Variants in ASTN2 observed in about 807,000 individuals in gnomAD.
ASTN2 encodes the protein astrotactin 2.
A neutral mutation model predicts 139.8 loss-of-function variants in ASTN2; 54 were observed. That is an observed-to-expected ratio of 0.39 (90% confidence interval 0.31 to 0.48). The LOEUF is 0.48. ASTN2 is among the 20% of genes least tolerant of loss of function. ASTN2 has a pLI of 0.95. For missense variants in ASTN2, 1,565 were observed against 1,725.1 expected (o/e 0.91, Z 1.64); for synonymous variants, 756 against 719.5 (o/e 1.05, Z -0.81).
intron 19 of ASTN2, among the ~76,000 whole-genome samples, chr9:116,607,619 A>G (rs966582756): frequency 1.3e-5 from 2 of 151,554 alleles, no homozygotes; most frequent in African/African-American, 4.8e-5. Flanking sequence ...GATTAAATGG[A>G]ATAACAAGGA....
chr9:116,683,318 A>C (rs1458337668), intron 16 of ASTN2, among the ~76,000 whole-genome samples: 1 of 152,150 alleles, frequency 6.6e-6, no homozygotes, highest in African/African-American at 2.4e-5. Flanking sequence ...GTGTTCCAGA[A>C]ATTATGGGAA....
At position 116,646,972 on chromosome 9, in the gene ASTN2, C is replaced by A. The variant is rs7032505; in HGVS notation, c.3072+4556G>T. Among the ~76,000 whole-genome samples, 689 of 152,326 alleles carry A rather than the reference C, an allele frequency of 4.5e-3. 3 individuals carry two copies. Among genetic ancestry groups the A allele is most frequent in the African/African-American group, 0.016 (658 of 41,570 alleles). ...TTCATTCTCTTCCTGAAATGGGTCA[C>A]ATTTGCTCATTCTTCAGGTGTTTGC... On this transcript the variant is annotated intron_variant, in intron 17 of 22. Transcript: ENST00000313400.
intron 10 of ASTN2, among the ~76,000 whole-genome samples, chr9:116,947,948 G>C (rs1835444503): frequency 6.6e-6 from 1 of 152,170 alleles, no homozygotes; most frequent in Non-Finnish European, 1.5e-5. Context: ...TTTAAATTCA[G>C]AATGTGCTCT....
intron 6 of ASTN2, among the ~76,000 whole-genome samples, chr9:117,038,187 A>G (rs898695155): frequency 5.3e-5 from 8 of 151,780 alleles, no homozygotes; most frequent in Admixed American, 5.2e-4. Flanking sequence ...TGGTCAAAAT[A>G]TACTGAAGGG....
intron 13 of ASTN2, among the ~76,000 whole-genome samples, chr9:116,738,855 T>C (rs1023447294): frequency 1.3e-5 from 2 of 152,178 alleles, no homozygotes; most frequent in Non-Finnish European, 2.9e-5. Flanking sequence ...AAGCCTGTGC[T>C]CTTGATCCCT....
intron 2 of ASTN2, among the ~76,000 whole-genome samples, chr9:117,221,226 C>T (rs963479969): frequency 6.6e-6 from 1 of 152,048 alleles, no homozygotes; most frequent in Non-Finnish European, 1.5e-5. Flanking sequence ...GGTTTTCTTA[C>T]GTACACAACC....
rs139687158 is a variant in ASTN2, at chr9:116,605,397, T to C, written c.3355+12927A>G. Among the ~76,000 whole-genome samples the C allele has an allele frequency of 4.6e-3, 698 of 151,502 alleles. 5 individuals carry two copies. The highest frequency in any genetic ancestry group is 0.016 in the African/African-American group (664 of 41,210). The stretch of plus-strand genomic sequence containing the variant: ...AAACAAGCTGAAGCTGAGAATCCCA[T>C]GAAGAAAAAGAGAAGTTTCTGATTT... On this transcript the variant is annotated intron_variant, in intron 19 of 22. Coordinates refer to ENST00000313400, the MANE Select transcript of ASTN2 (RefSeq NM_001365068.1).
chr9:116,739,455 T>C lies in ASTN2; in HGVS notation c.2397-5932A>G, dbSNP rs568919332. On this transcript the variant is annotated intron_variant, in intron 13 of 22. Coordinates refer to ENST00000313400, the MANE Select transcript of ASTN2 (RefSeq NM_001365068.1). ...CTCCCATCCTACACAAGGACCCACT[T>C]AGAATTTGCCCTCTCTCTGGAATTT... Among the ~76,000 whole-genome samples the C allele has an allele frequency of 4.0e-5, 6 of 151,890 alleles. No homozygotes were observed. The East Asian group carries it at 1.2e-3, about 29-fold the overall frequency.
intron 13 of ASTN2, among the ~76,000 whole-genome samples, chr9:116,741,951 CTTCA>C (rs1829106668): frequency 6.6e-6 from 1 of 152,160 alleles, no homozygotes; most frequent in African/African-American, 2.4e-5. Flanking sequence ...TCATTCATTC[CTTCA>C]TTCATTCAAC....
intron 1 of ASTN2, among the ~76,000 whole-genome samples, chr9:117,359,753 G>A (rs368210393): frequency 9.2e-5 from 14 of 152,274 alleles, no homozygotes; most frequent in East Asian, 5.8e-4. Flanking sequence ...ACAGGGGGAA[G>A]GAGTGGAGTC....
chr9:117,118,702 AT>A (rs1183376888), intron 4 of ASTN2, among the ~76,000 whole-genome samples: 6 of 152,052 alleles, frequency 3.9e-5, no homozygotes, highest in Non-Finnish European at 8.8e-5. Flanking sequence ...ACCCCAGGCT[AT>A]TTTTCCATCT....
intron 21 of ASTN2, 36 bp from the exon 22 acceptor site, chr9:116,440,828 T>C (rs764571038): frequency 2.2e-5 from 35 of 1,586,976 alleles, no homozygotes; most frequent in East Asian, 4.5e-5. Flanking sequence ...GATCACTGGG[T>C]GGTGAAAAAA....
intron 11 of ASTN2, among the ~76,000 whole-genome samples, chr9:116,829,577 C>T (rs897590970): frequency 3.9e-5 from 6 of 152,028 alleles, no homozygotes; most frequent in African/African-American, 1.2e-4. Flanking sequence ...GAAAGAGGCA[C>T]GTCTTCACAT....
intron 4 of ASTN2, among the ~76,000 whole-genome samples, chr9:117,119,617 C>A (rs1829489858): frequency 6.6e-6 from 1 of 152,186 alleles, no homozygotes; most frequent in Admixed American, 6.5e-5. Context: ...AGTCCAACTT[C>A]TTCCTTCATG....
chr9:116,656,720 C>T, intron 16 of ASTN2, among the ~76,000 whole-genome samples: 1 of 144,262 alleles, frequency 6.9e-6, no homozygotes, highest in South Asian at 2.2e-4. Context: ...GTTGAAGTGA[C>T]AACTCCTTGT....
chr9:117,076,611 G>C (rs1249912767), intron 5 of ASTN2, among the ~76,000 whole-genome samples: 1 of 152,100 alleles, frequency 6.6e-6, no homozygotes, highest in Non-Finnish European at 1.5e-5. Flanking sequence ...ACAAGAGTGG[G>C]GTGAAGGAGA....
At chr9:116,968,308 C>T (rs574829397) in intron 10 of ASTN2, among the ~76,000 whole-genome samples, 127 of 152,248 alleles carry the variant, frequency 8.3e-4, no homozygotes, top group African/African-American at 2.6e-3. Context: ...AGATGTATGG[C>T]CCATGTTTCC....
chr9:117,210,796 C>G (rs1832095784), intron 3 of ASTN2, among the ~76,000 whole-genome samples: 1 of 151,798 alleles, frequency 6.6e-6, no homozygotes, highest in East Asian at 1.9e-4. Flanking sequence ...AAAATATATG[C>G]AAAAATCCTC....
At chr9:117,247,358 T>A (rs931806578) in intron 2 of ASTN2, among the ~76,000 whole-genome samples, 2 of 152,164 alleles carry the variant, frequency 1.3e-5, no homozygotes, top group Non-Finnish European at 1.5e-5. Flanking sequence ...AACAGAAACC[T>A]GTCTAAAGCA....
Sources: gnomAD v4.1 joint callset for allele counts (sites outside exome capture counted in the v4.1 genomes callset) on GRCh38, gnomAD v4.1.1 for gene constraint, MANE v1.5 for transcripts, NCBI Gene and HGNC (gene_info 2026-07-23, HGNC 2026-07-21) for gene names.